Variants in GPLD1 observed in about 807,000 individuals in gnomAD.
The protein encoded by GPLD1 is phosphatidylinositol-glycan-specific phospholipase D.
In GPLD1, 84 loss-of-function variants were observed where a neutral mutation model predicts 112.6. The observed-to-expected ratio is 0.75, with a 90% CI of 0.63 to 0.89. The LOEUF is 0.89. GPLD1 is among the 40% of genes least tolerant of loss of function. GPLD1 has a pLI of 0.00. For synonymous variants in GPLD1, 386 were observed against 403.8 expected (o/e 0.96, Z 0.53); for missense variants, 1,044 against 1,051.5 (o/e 0.99, Z 0.10).
intron 1 of GPLD1, among the ~76,000 whole-genome samples, chr6:24,486,636 G>C (rs549691184): frequency 1.1e-4 from 17 of 152,198 alleles, no homozygotes; most frequent in Admixed American, 2.0e-4. Flanking sequence ...GATCAACATG[G>C]AGAAACCCCG....
chr6:24,447,022 G>A lies in GPLD1; in HGVS notation c.1679-43C>T, dbSNP rs781582217. ...TCCTTTTTACTAATACTTTAAGTGA[G>A]AGGACTACTGGGATGAAAAGAAAGG... On this transcript the variant is annotated intron_variant, in intron 17 of 24. Coordinates refer to ENST00000230036, the MANE Select transcript of GPLD1 (RefSeq NM_001503.4). The A allele has an allele frequency of 1.3e-5, 21 of 1,565,332 alleles. No individual in the cohort carries two copies. The Admixed American group carries it at 3.6e-4, about 27-fold the overall frequency.
At chr6:24,463,344 T>A (rs1477110908) in intron 10 of GPLD1, among the ~76,000 whole-genome samples, 1 of 152,182 alleles carries the variant, frequency 6.6e-6, no homozygotes, top group Non-Finnish European at 1.5e-5. Context: ...GGTATTAATA[T>A]AAGAAGAGTA....
At chr6:24,442,043 ATATT>A (rs1161989996) in intron 20 of GPLD1, among the ~76,000 whole-genome samples, 1 of 148,696 alleles carries the variant, frequency 6.7e-6, no homozygotes, top group Non-Finnish European at 1.5e-5. Context: ...TTTATATTAT[ATATT>A]AGTATACTTA....
Position 24,449,894 on chromosome 6 carries a change from T to A in GPLD1, c.1341A>T (p.Ser447=). The change falls in exon 15 of 25, where the codon TCA becomes TCT. Residue 447 remains serine (S), a synonymous_variant. Transcript: ENST00000230036. Reference sequence around the variant, plus strand: ...CAGCCAAGGCCGAGCCAAACCGACCTGAGGGCTGAAGAGGCACAAGTTTAC... The same window carrying A: ...CAGCCAAGGCCGAGCCAAACCGACCAGAGGGCTGAAGAGGCACAAGTTTAC... ...AHRILEGFQP[S]GRFGSALAVL... is the part of the protein sequence containing the mutation. The A allele has an allele frequency of 1.2e-6, 2 of 1,611,960 alleles. No homozygotes were observed.
chr6:24,467,344 AGCT>A lies in GPLD1; in HGVS notation c.546-73_546-71del. On this transcript the variant is annotated intron_variant, in intron 7 of 24. Transcript: ENST00000230036. ...TGAAAATAGTAACAACAGCAGCAGC[AGCT>A]ACCAGTTATTCCGTGATTATTTTGT... is the stretch of plus-strand genomic sequence containing the variant. 3.6e-6 allele frequency: 3 copies of A among 835,522 alleles called. No homozygotes were observed. The South Asian group carries it at 4.2e-5, about 12-fold the overall frequency. 51.8% of individuals were successfully genotyped at this position (835,522 alleles called of 1,614,324 possible).
intron 3 of GPLD1, 149 bp downstream of exon 3, chr6:24,479,732 G>A (rs755762501): frequency 1.9e-5 from 10 of 520,682 alleles, no homozygotes; most frequent in South Asian, 6.7e-5. Context: ...CAATATTGTT[G>A]GGAAACAAAT....
chr6:24,433,839 T>C (rs191814881), intron 22 of GPLD1, among the ~76,000 whole-genome samples: 105 of 152,212 alleles, frequency 6.9e-4, no homozygotes, highest in African/African-American at 2.4e-3. Flanking sequence ...TGCATGCCCT[T>C]TGACCCCAGA....
chr6:24,471,681 T>C (rs1323129759), intron 7 of GPLD1, among the ~76,000 whole-genome samples: 1 of 152,202 alleles, frequency 6.6e-6, no homozygotes, highest in Non-Finnish European at 1.5e-5. Flanking sequence ...TAGAAGTCCA[T>C]GTAAGAGAAT....
intron 2 of GPLD1, among the ~76,000 whole-genome samples, chr6:24,484,205 G>T (rs147274398): frequency 6.7e-6 from 1 of 150,232 alleles, no homozygotes; most frequent in Non-Finnish European, 1.5e-5. Context: ...GTGAGCCACC[G>T]TGCCTGGCCC....
Position 24,473,495 on chromosome 6 carries a change from C to T in GPLD1, c.490+124G>A, listed in dbSNP as rs1763895679. 4 of 617,312 alleles carry T rather than the reference C, an allele frequency of 6.5e-6. No homozygotes were observed. In the East Asian group the frequency reaches 1.1e-4, roughly 17 times the overall value. 38.2% of individuals were successfully genotyped at this position (617,312 alleles called of 1,614,324 possible). On this transcript the variant is annotated intron_variant, in intron 6 of 24. Coordinates refer to ENST00000230036, the MANE Select transcript of GPLD1 (RefSeq NM_001503.4). ...CATCTCTACTCTAAATGAACTGCAA[C>T]ATTAAATAGAAAATACATGCAACCA...
Position 24,486,651 on chromosome 6 carries a change from T to C in GPLD1, c.98-521A>G, listed in dbSNP as rs368909151. Among the ~76,000 whole-genome samples the C allele has an allele frequency of 2.0e-5, 3 of 152,170 alleles. 1 individual carries two copies. Among genetic ancestry groups the C allele is most frequent in the East Asian group, 3.9e-4 (2 of 5,176 alleles). On this transcript the variant is annotated intron_variant, in intron 1 of 24. Transcript: ENST00000230036. ...GATCAACATGGAGAAACCCCGTCTCTACTAAAAATACAAAAAATTAGCCAG... is the reference window on the plus strand; with the variant it reads ...GATCAACATGGAGAAACCCCGTCTCCACTAAAAATACAAAAAATTAGCCAG...
chr6:24,439,188 T>G (rs911992562), intron 20 of GPLD1, among the ~76,000 whole-genome samples: 19 of 143,680 alleles, frequency 1.3e-4, no homozygotes, highest in African/African-American at 4.8e-4. Flanking sequence ...CTTCAGTCCT[T>G]CCATGGCAAG....
intron 24 of GPLD1, 47 bp from the exon 25 acceptor site, chr6:24,429,165 T>C (rs757882844): frequency 9.1e-6 from 11 of 1,208,030 alleles, no homozygotes; most frequent in African/African-American, 4.5e-5. Flanking sequence ...ATAACATCTA[T>C]TGAGTTCCTA....
At chr6:24,491,647 G>C (rs1401595261), upstream of GPLD1, among the ~76,000 whole-genome samples, 1 of 152,000 alleles carries the variant, frequency 6.6e-6, no homozygotes, top group African/African-American at 2.4e-5. Flanking sequence ...AGTGAAGGTT[G>C]CAGTGAGCTG....
rs1762241488 is a variant in GPLD1, at chr6:24,426,475, CTT to C, written c.*2555_*2556del. Among the ~76,000 whole-genome samples the C allele has an allele frequency of 8.8e-6, 1 of 113,220 alleles. No homozygotes were observed. Among genetic ancestry groups the C allele is most frequent in the Non-Finnish European group, 1.8e-5 (1 of 54,170 alleles). 74.3% of individuals were successfully genotyped at this position (113,220 alleles called of 152,430 possible). ...TTAGTATGGTTAAATGTCCTATAAACTTGAAGCTTGCTTCCATTTTTGTGGGT... is the reference window on the plus strand; with the variant it reads ...TTAGTATGGTTAAATGTCCTATAAACGAAGCTTGCTTCCATTTTTGTGGGT... On this transcript the variant is annotated 3_prime_UTR_variant, in exon 25 of 25. Coordinates refer to ENST00000230036, the MANE Select transcript of GPLD1 (RefSeq NM_001503.4).
At chr6:24,446,014 A>T in intron 18 of GPLD1, among the ~76,000 whole-genome samples, 183 bp from the exon 19 acceptor site, 1 of 152,160 alleles carries the variant, frequency 6.6e-6, no homozygotes, top group East Asian at 1.9e-4. Context: ...CAGGCTCTCC[A>T]GGTGCCACAC....
At chr6:24,491,275 A>G (rs1257463648), upstream of GPLD1, among the ~76,000 whole-genome samples, 3 of 152,224 alleles carry the variant, frequency 2.0e-5, no homozygotes, top group East Asian at 1.9e-4. Context: ...ACAATTATTA[A>G]TTGGGACTTT....
chr6:24,472,131 A>C (rs1763845991), intron 7 of GPLD1, among the ~76,000 whole-genome samples: 1 of 152,244 alleles, frequency 6.6e-6, no homozygotes, highest in South Asian at 2.1e-4. Context: ...AAATAGACTG[A>C]AAACTGGAAA....
chr6:24,452,114 G>A (rs1340518379), intron 14 of GPLD1, among the ~76,000 whole-genome samples: 1 of 152,168 alleles, frequency 6.6e-6, no homozygotes, highest in African/African-American at 2.4e-5. Flanking sequence ...TCTTTGAAAT[G>A]ATCAAAGGTC....
Sources: gnomAD v4.1 joint callset for allele counts (sites outside exome capture counted in the v4.1 genomes callset) on GRCh38, gnomAD v4.1.1 for gene constraint, MANE v1.5 for transcripts, NCBI Gene and HGNC (gene_info 2026-07-23, HGNC 2026-07-21) for gene names.